PTPRM: variants seen among roughly 807,000 people sequenced by gnomAD.
PTPRM encodes the protein protein tyrosine phosphatase receptor type M, also known as receptor-type tyrosine-protein phosphatase mu.
A neutral mutation model predicts 186.7 loss-of-function variants in PTPRM; 47 were observed. The observed-to-expected ratio is 0.25, with a 90% CI of 0.20 to 0.32. The LOEUF is 0.32. PTPRM is among the 10% of genes least tolerant of loss of function. The pLI is 1.00. For synonymous variants in PTPRM, 668 were observed against 674.9 expected, an observed-to-expected ratio of 0.99 and a Z score of 0.16; for missense variants, 1,494 against 1,865.0, an observed-to-expected ratio of 0.80 and a Z score of 3.66.
At chr18:8,078,532 AT>A (rs1402119806) in intron 9 of PTPRM, among the ~76,000 whole-genome samples, 1 of 152,226 alleles carries the variant, frequency 6.6e-6, no homozygotes, top group Non-Finnish European at 1.5e-5. Context: ...TTAGTAACCA[AT>A]GACACAGGTG....
chr18:7,699,727 G>GTT (rs57074624), intron 1 of PTPRM, among the ~76,000 whole-genome samples: 5 of 148,980 alleles, frequency 3.4e-5, no homozygotes, highest in Non-Finnish European at 4.5e-5. Flanking sequence ...TAACTTACAA[G>GTT]TTTTTTTTTT....
chr18:7,683,992 G>T (rs1346197204), intron 1 of PTPRM, among the ~76,000 whole-genome samples: 1 of 152,132 alleles, frequency 6.6e-6, no homozygotes, highest in Non-Finnish European at 1.5e-5. Context: ...GCCTTTTCCT[G>T]TGGCTCCCTC....
intron 22 of PTPRM, among the ~76,000 whole-genome samples, chr18:8,336,600 AAAG>A (rs755688176): frequency 4.0e-5 from 6 of 149,228 alleles, no homozygotes; most frequent in Admixed American, 2.7e-4. Context: ...GAGAGAGAGA[AAAG>A]AAGAGAGGAG....
At chr18:7,705,691 CTCTT>C (rs965120454) in intron 1 of PTPRM, among the ~76,000 whole-genome samples, 3 of 150,794 alleles carry the variant, frequency 2.0e-5, no homozygotes, top group East Asian at 1.9e-4. Flanking sequence ...TTCTTTCTCT[CTCTT>C]TCTTTCATTC....
At chr18:7,687,256 C>T (rs2039623734) in intron 1 of PTPRM, among the ~76,000 whole-genome samples, 1 of 152,088 alleles carries the variant, frequency 6.6e-6, no homozygotes. Context: ...TCTAAATTCA[C>T]AGCAAAAAGG....
At chr18:8,290,889 G>GT (rs1355961391) in intron 19 of PTPRM, among the ~76,000 whole-genome samples, 2 of 152,218 alleles carry the variant, frequency 1.3e-5, no homozygotes, top group African/African-American at 2.4e-5. Flanking sequence ...TACATCTAGT[G>GT]TTTTTTTCAT....
At chr18:8,401,040 C>G (rs2095869680) in intron 32 of PTPRM, among the ~76,000 whole-genome samples, 1 of 152,038 alleles carries the variant, frequency 6.6e-6, no homozygotes, top group South Asian at 2.1e-4. Flanking sequence ...ACCCCATCCC[C>G]TCTCCCCACC....
At chr18:7,894,530 G>A (rs2146420851) in intron 3 of PTPRM, among the ~76,000 whole-genome samples, 1 of 152,112 alleles carries the variant, frequency 6.6e-6, no homozygotes, top group South Asian at 2.1e-4. Flanking sequence ...AGCTTGCAGT[G>A]AGCCGAGATT....
At chr18:7,952,350 C>CT (rs200781699) in intron 6 of PTPRM, among the ~76,000 whole-genome samples, 3,279 of 152,326 alleles carry the variant, frequency 0.022, 46 homozygotes, top group African/African-American at 0.044. Flanking sequence ...TTCTTGCCTT[C>CT]TCCTTCCTTC....
intron 2 of PTPRM, among the ~76,000 whole-genome samples, chr18:7,866,869 T>A (rs1335488133): frequency 6.6e-6 from 1 of 152,218 alleles, no homozygotes; most frequent in Non-Finnish European, 1.5e-5. Context: ...ATCTGGGTGC[T>A]TCTGTATCGG....
chr18:8,179,205 T>C (rs2093536045), intron 14 of PTPRM, among the ~76,000 whole-genome samples: 2 of 152,242 alleles, frequency 1.3e-5, no homozygotes, highest in African/African-American at 2.4e-5. Flanking sequence ...ATGCAAATAA[T>C]GTAAGTTAAC....
intron 11 of PTPRM, among the ~76,000 whole-genome samples, chr18:8,108,072 G>C (rs1041352778): frequency 3.9e-5 from 6 of 152,194 alleles, no homozygotes; most frequent in Admixed American, 2.6e-4. Context: ...TAAATTCAGT[G>C]TGGCTGCATG....
At chr18:8,203,692 G>C (rs148507795) in intron 14 of PTPRM, among the ~76,000 whole-genome samples, 1,702 of 152,178 alleles carry the variant, frequency 0.011, 9 homozygotes, top group Non-Finnish European at 0.018. Flanking sequence ...ACTTTCAAAC[G>C]GTTTGGCAAA....
chr18:8,259,447 G>C (rs1466856903), intron 19 of PTPRM, among the ~76,000 whole-genome samples: 1 of 151,862 alleles, frequency 6.6e-6, no homozygotes, highest in Admixed American at 6.6e-5. Flanking sequence ...CTGTCTCCTT[G>C]TAGCTCCTTT....
At chr18:8,044,175 C>G (rs2086869572) in intron 7 of PTPRM, among the ~76,000 whole-genome samples, 3 of 152,184 alleles carry the variant, frequency 2.0e-5, no homozygotes, top group Admixed American at 2.0e-4. Context: ...GCCTAGTCAA[C>G]AAGAGAGCTC....
chr18:7,940,305 A>G (rs2052086027), intron 5 of PTPRM, among the ~76,000 whole-genome samples: 1 of 152,172 alleles, frequency 6.6e-6, no homozygotes, highest in African/African-American at 2.4e-5. Flanking sequence ...CCTTCATGGG[A>G]CTTGTATTCT....
At chr18:7,773,570 G>GTTTTTTTTTTTTT (rs10708698) in intron 1 of PTPRM, among the ~76,000 whole-genome samples, 46 of 129,082 alleles carry the variant, frequency 3.6e-4, no homozygotes, top group Non-Finnish European at 5.4e-4. Context: ...TCTTTTCTTT[G>GTTTTTTTTTTTTT]TTTTTTTTTT....
At chr18:7,917,174 G>T (rs1286396727) in intron 4 of PTPRM, among the ~76,000 whole-genome samples, 2 of 152,200 alleles carry the variant, frequency 1.3e-5, no homozygotes, top group Non-Finnish European at 2.9e-5. Flanking sequence ...AATGTGAATT[G>T]TTATAAGCTT....
intron 14 of PTPRM, among the ~76,000 whole-genome samples, chr18:8,164,206 G>A (rs1057342260): frequency 2.6e-5 from 4 of 152,188 alleles, no homozygotes; most frequent in Non-Finnish European, 5.9e-5. Flanking sequence ...TTAATTTTGT[G>A]ATTTGGCAAA....
Sources: allele counts gnomAD v4.1 joint callset (sites outside exome capture counted in the v4.1 genomes callset), GRCh38; gene constraint gnomAD v4.1.1; transcripts MANE v1.5; gene names NCBI Gene and HGNC (gene_info 2026-07-23, HGNC 2026-07-21).